The following MLPH variants were observed in gnomAD, a reference collection of about 807,000 sequenced individuals.
MLPH encodes the protein exophilin-3.
Under a neutral mutation model 72.1 loss-of-function variants are expected in MLPH, and 51 were observed. The ratio of observed to expected loss-of-function variants is 0.71; its 90% CI spans 0.56 to 0.89. MLPH has a LOEUF of 0.89. Ranked by LOEUF, MLPH falls within the 40% of genes least tolerant of loss-of-function variation. The pLI, the probability that MLPH is intolerant of heterozygous loss-of-function variation, is 0.00. For synonymous variants in MLPH, 301 were observed against 310.1 expected (o/e 0.97, Z 0.31); for missense variants, 743 against 759.9 (o/e 0.98, Z 0.26).
intron 1 of MLPH, among the ~76,000 whole-genome samples, chr2:237,491,529 G>T (rs1232232069): frequency 1.3e-5 from 2 of 152,208 alleles, no homozygotes; most frequent in Non-Finnish European, 2.9e-5. Flanking sequence ...ACGGACAGAG[G>T]TGCTATTCTT....
chr2:237,538,672 C>A (rs915569594), intron 9 of MLPH, among the ~76,000 whole-genome samples: 6 of 152,180 alleles, frequency 3.9e-5, no homozygotes, highest in Non-Finnish European at 7.3e-5. Flanking sequence ...CCACCCCCAA[C>A]ACACACACAA....
At position 237,534,578 on chromosome 2, in the gene MLPH, T is replaced by G; in HGVS notation, c.1035T>G (p.Asn345Lys). The G allele has an allele frequency of 6.2e-7, 1 of 1,613,694 alleles. No individual in the cohort carries two copies. Among genetic ancestry groups the G allele is most frequent in the Non-Finnish European group, 8.5e-7 (1 of 1,179,700 alleles). The change falls in exon 9 of 16, where the codon AAT (asparagine) becomes AAG (lysine). Residue 345 changes from asparagine to lysine, a missense_variant. Coordinates refer to ENST00000264605, the MANE Select transcript of MLPH (RefSeq NM_024101.7). ...TTCTGCTGCAGATCTTTGAGCTGAA[T>G]AAGCATATTTCAGCTGTGGAATGCC... ...ASSESQIFEL[N>K]KHISAVECLL...
chr2:237,542,787 G>GCACGGTA, intron 12 of MLPH, 128 bp downstream of exon 12: 3 of 376,310 alleles, frequency 8.0e-6, no homozygotes, highest in Admixed American at 3.2e-5. Context: ...TGGTGAGTGG[G>GCACGGTA]GGGACAGTGG....
chr2:237,520,509 A>G (rs2080159430), intron 6 of MLPH, among the ~76,000 whole-genome samples: 1 of 152,212 alleles, frequency 6.6e-6, no homozygotes, highest in Non-Finnish European at 1.5e-5. Context: ...ACACCTAGAC[A>G]CAGGGCATGC....
At chr2:237,536,027 G>T (rs1010585307) in intron 9 of MLPH, among the ~76,000 whole-genome samples, 7 of 152,186 alleles carry the variant, frequency 4.6e-5, no homozygotes, top group Non-Finnish European at 1.0e-4. Flanking sequence ...ATCATTTAAA[G>T]TTCCAACAGC....
chr2:237,520,436 G>C (rs937554630), intron 6 of MLPH, among the ~76,000 whole-genome samples: 1 of 152,008 alleles, frequency 6.6e-6, no homozygotes, highest in African/African-American at 2.4e-5. Context: ...TTACTGGGAG[G>C]GGAACATACA....
Position 237,493,459 on chromosome 2 carries a change from TGATGAA to T in MLPH, c.36_41del (p.Asp12_Glu13del). 1 of 1,614,090 alleles carries T rather than the reference TGATGAA, an allele frequency of 6.2e-7. No homozygotes were observed. The highest frequency in any genetic ancestry group is 8.5e-7 in the Non-Finnish European group (1 of 1,179,976). Reference sequence around the variant, plus strand: ...AGAAACTGGATCTTTCCAAGCTCACTGATGAAGAGGCCCAGCATGTCTTGGAAGTTG... The same window carrying T: ...AGAAACTGGATCTTTCCAAGCTCACTGAGGCCCAGCATGTCTTGGAAGTTG... On this transcript the variant is annotated inframe_deletion, in exon 2 of 16. Transcript: ENST00000264605.
In MLPH at chr2:237,525,586, G is replaced by A; in HGVS notation, c.676-15G>A. 6.2e-7 allele frequency: 1 copy of A among 1,613,832 alleles called. No individual in the cohort carries two copies. Among genetic ancestry groups the A allele is most frequent in the South Asian group, 1.1e-5 (1 of 91,060 alleles). On this transcript the variant is annotated splice_polypyrimidine_tract_variant and intron_variant, in intron 6 of 15. Coordinates refer to ENST00000264605, the MANE Select transcript of MLPH (RefSeq NM_024101.7). Reference sequence around the variant, plus strand: ...GTAAACCCTGCAGAGGAGGCTGACAGCCCCATGTGCTTAGTCCCTCACAGA... The same window carrying A: ...GTAAACCCTGCAGAGGAGGCTGACAACCCCATGTGCTTAGTCCCTCACAGA...
chr2:237,537,530 G>A (rs2080561945), intron 9 of MLPH: 1 of 152,140 alleles, frequency 6.6e-6, no homozygotes, highest in Non-Finnish European at 1.5e-5. Context: ...TTCCACCGAG[G>A]GCCTCTGTGA....
chr2:237,519,692 G>C (rs763283622), intron 5 of MLPH, among the ~76,000 whole-genome samples: 6 of 152,208 alleles, frequency 3.9e-5, no homozygotes, highest in Non-Finnish European at 8.8e-5. Flanking sequence ...CCTGTATCCT[G>C]GGTGGGATGG....
rs926971655 is a variant in MLPH at position 237,540,514 on chromosome 2, T to A, written c.1271T>A (p.Leu424His). ...AACAGGGACAAATCAGTTGGGCCTC[T>A]CCCCCAGGCGGACCCGGAGGTAAGA... ...EPNRDKSVGP[L>H]PQADPEVGTA... Residue 424 changes from leucine (L) to histidine (H), a missense_variant, in exon 10 of 16, where the codon CTC becomes CAC. Leu to His is a moderately conservative substitution (Grantham distance 99). Coordinates refer to ENST00000264605, the MANE Select transcript of MLPH (RefSeq NM_024101.7). The A allele has an allele frequency of 2.5e-6, 4 of 1,611,502 alleles. No individual in the cohort carries two copies. The Admixed American group carries it at 6.7e-5, about 27-fold the overall frequency.
chr2:237,517,256 T>C (rs923940925), intron 4 of MLPH, among the ~76,000 whole-genome samples: 1 of 149,056 alleles, frequency 6.7e-6, no homozygotes, highest in African/African-American at 2.5e-5. Flanking sequence ...GGTGGATGGG[T>C]AGGTGAATGA....
intron 1 of MLPH, among the ~76,000 whole-genome samples, chr2:237,489,847 C>T (rs752613068): frequency 1.3e-5 from 2 of 152,122 alleles, no homozygotes; most frequent in Non-Finnish European, 2.9e-5. Flanking sequence ...AACTCTTTAG[C>T]GGATAAAGAT....
chr2:237,524,368 A>G (rs1262159781), intron 6 of MLPH, among the ~76,000 whole-genome samples: 1 of 149,930 alleles, frequency 6.7e-6, no homozygotes, highest in Admixed American at 6.6e-5. Context: ...GAGTCCCACG[A>G]TAGGCTGTCT....
At chr2:237,486,888 C>G (rs1273356689), upstream of MLPH, 1 of 152,198 alleles carries the variant, frequency 6.6e-6, no homozygotes, top group Non-Finnish European at 1.5e-5. Flanking sequence ...AGCGCTTTCC[C>G]TGCAGAGTTA....
intron 2 of MLPH, among the ~76,000 whole-genome samples, chr2:237,495,559 G>T (rs140635076): frequency 6.6e-6 from 1 of 152,178 alleles, no homozygotes; most frequent in Non-Finnish European, 1.5e-5. Context: ...TGCTGAACAG[G>T]GTCCGCAACA....
At chr2:237,506,918 GA>G (rs2079784658) in intron 2 of MLPH, among the ~76,000 whole-genome samples, 1 of 152,058 alleles carries the variant, frequency 6.6e-6, no homozygotes, top group Non-Finnish European at 1.5e-5. Flanking sequence ...AGTATTTGAA[GA>G]AAATCTAGGC....
At chr2:237,493,257 C>A (rs2079463952) in intron 1 of MLPH, 146 bp from the exon 2 acceptor site, 1 of 624,944 alleles carries the variant, frequency 1.6e-6, no homozygotes, top group African/African-American at 1.8e-5. Context: ...CACAAGTTTC[C>A]AGACAAGCAT....
intron 8 of MLPH, 73 bp downstream of exon 8, chr2:237,527,589 C>A (rs968553894): frequency 1.9e-6 from 3 of 1,588,838 alleles, no homozygotes; most frequent in Non-Finnish European, 2.6e-6. Context: ...CACCAAGTCA[C>A]TTTAGAGAAA....
Sources: allele counts gnomAD v4.1 joint callset (sites outside exome capture counted in the v4.1 genomes callset), GRCh38; gene constraint gnomAD v4.1.1; transcripts MANE v1.5; gene names NCBI Gene and HGNC (gene_info 2026-07-23, HGNC 2026-07-21).